Variants in OR3A2 observed in about 807,000 individuals in gnomAD.
OR3A2 encodes olfactory receptor family 3 subfamily A member 2.
For missense variants in OR3A2, 318 were observed against 392.8 expected, an observed-to-expected ratio of 0.81 and a Z score of 1.61; for synonymous variants, 126 against 159.3, an observed-to-expected ratio of 0.79 and a Z score of 1.57.
At chr17:3,325,768 C>G (rs141503545) in intron 3 of OR3A2, among the ~76,000 whole-genome samples, 1 of 152,038 alleles carries the variant, frequency 6.6e-6, no homozygotes, top group African/African-American at 2.4e-5. Flanking sequence ...AATTTACCAT[C>G]TTTACTACTT....
At chr17:3,313,243 A>G in intron 3 of OR3A2, among the ~76,000 whole-genome samples, 1 of 152,212 alleles carries the variant, frequency 6.6e-6, no homozygotes, top group East Asian at 1.9e-4. Context: ...CTTGTCCGAC[A>G]TGCTTATTAT....
intron 3 of OR3A2, among the ~76,000 whole-genome samples, chr17:3,308,396 C>G (rs1376798051): frequency 6.6e-6 from 1 of 152,094 alleles, no homozygotes; most frequent in Non-Finnish European, 1.5e-5. Flanking sequence ...CCGGGTGAGT[C>G]TCATCTCAAG....
intron 2 of OR3A2, among the ~76,000 whole-genome samples, chr17:3,342,075 A>C (rs1381809042): frequency 6.6e-6 from 1 of 152,212 alleles, no homozygotes; most frequent in Non-Finnish European, 1.5e-5. Context: ...AAGCTTGTGC[A>C]TGCGTCACGT....
chr17:3,325,084 T>C (rs368264105), intron 3 of OR3A2, among the ~76,000 whole-genome samples: 1 of 152,036 alleles, frequency 6.6e-6, no homozygotes, highest in East Asian at 1.9e-4. Context: ...ATTTTTATGA[T>C]TTTGTTTTTT....
At chr17:3,281,139 T>C (rs2048774258) in intron 1 of OR3A2, among the ~76,000 whole-genome samples, 1 of 152,090 alleles carries the variant, frequency 6.6e-6, no homozygotes, top group Non-Finnish European at 1.5e-5. Context: ...GGCTGCACAT[T>C]AGATTTATGT....
At chr17:3,370,479 T>C (rs1008326340) in intron 2 of OR3A2, among the ~76,000 whole-genome samples, 1 of 152,232 alleles carries the variant, frequency 6.6e-6, no homozygotes, top group African/African-American at 2.4e-5. Flanking sequence ...AACCAGCTTT[T>C]TGTTTCATTT....
At chr17:3,371,709 C>G (rs530640286) in intron 2 of OR3A2, among the ~76,000 whole-genome samples, 1 of 145,140 alleles carries the variant, frequency 6.9e-6, no homozygotes, top group Non-Finnish European at 1.5e-5. Context: ...GACCCCCCCA[C>G]CTCCCTCCCG....
chr17:3,323,813 G>A (rs919896462), intron 3 of OR3A2, among the ~76,000 whole-genome samples: 21 of 151,862 alleles, frequency 1.4e-4, no homozygotes. Flanking sequence ...TTTCAACTTT[G>A]GTGAATCTGA....
At chr17:3,283,159 T>C (rs2048787737) in intron 1 of OR3A2, among the ~76,000 whole-genome samples, 1 of 152,176 alleles carries the variant, frequency 6.6e-6, no homozygotes, top group South Asian at 2.1e-4. Context: ...GAGGACAGAA[T>C]ATGTTTGATT....
At chr17:3,291,738 G>A (rs755806624) in intron 3 of OR3A2, 2 of 1,613,674 alleles carry the variant, frequency 1.2e-6, no homozygotes, top group African/African-American at 1.3e-5. Context: ...ATTGATGACA[G>A]TGTTGAAAAT....
chr17:3,278,508 G>A (rs1160910659), exon 2 of OR3A2: 1 of 1,614,018 alleles, frequency 6.2e-7, no homozygotes, highest in South Asian at 1.1e-5. Flanking sequence ...ACTCATGCGG[G>A]TGCTGTAGGT....
chr17:3,323,071 A>G (rs943725877), intron 3 of OR3A2, among the ~76,000 whole-genome samples: 3 of 152,168 alleles, frequency 2.0e-5, no homozygotes, highest in Non-Finnish European at 2.9e-5. Flanking sequence ...GGGTGCATAT[A>G]TATTTAGGAT....
intron 2 of OR3A2, among the ~76,000 whole-genome samples, chr17:3,372,931 A>G (rs1015460347): frequency 6.7e-6 from 1 of 148,510 alleles, no homozygotes; most frequent in Non-Finnish European, 1.5e-5. Flanking sequence ...TTTTTGATGT[A>G]GGCATATAAT....
intron 2 of OR3A2, among the ~76,000 whole-genome samples, chr17:3,361,648 A>T (rs1294686092): frequency 5.3e-5 from 8 of 151,388 alleles, no homozygotes; most frequent in African/African-American, 1.5e-4. Context: ...TTTGTCAAAG[A>T]CCTTTTCTGC....
chr17:3,301,621 A>G (rs1246096556), intron 3 of OR3A2, among the ~76,000 whole-genome samples: 2 of 151,906 alleles, frequency 1.3e-5, no homozygotes, highest in African/African-American at 4.8e-5. Flanking sequence ...GATTGCAAAA[A>G]TTTTCTCCCA....
At chr17:3,278,321 C>T (rs771989044) in exon 2 of OR3A2, 6 of 1,614,184 alleles carry the variant, frequency 3.7e-6, no homozygotes, top group Non-Finnish European at 4.2e-6. Context: ...AGAGCAGCAG[C>T]TCATTGAGTT....
chr17:3,332,689 C>A (rs909094095), intron 3 of OR3A2, among the ~76,000 whole-genome samples: 2 of 152,224 alleles, frequency 1.3e-5, no homozygotes, highest in Non-Finnish European at 2.9e-5. Flanking sequence ...GAGCTGTAGA[C>A]CAGAGCTGTT....
chr17:3,383,083 A>G (rs1260212695), intron 2 of OR3A2, among the ~76,000 whole-genome samples: 1 of 152,234 alleles, frequency 6.6e-6, no homozygotes, highest in Non-Finnish European at 1.5e-5. Context: ...ATGGCTCTAT[A>G]AGAAAAGATC....
At chr17:3,360,030 C>T (rs886458664) in intron 2 of OR3A2, among the ~76,000 whole-genome samples, 26 of 151,770 alleles carry the variant, frequency 1.7e-4, no homozygotes, top group Non-Finnish European at 3.7e-4. Flanking sequence ...AGTTTACAGT[C>T]CCACCAACAG....
Sources: gnomAD v4.1 joint callset for allele counts (sites outside exome capture counted in the v4.1 genomes callset) on GRCh38, gnomAD v4.1.1 for gene constraint, MANE v1.5 for transcripts, NCBI Gene and HGNC (gene_info 2026-07-23, HGNC 2026-07-21) for gene names.